The following TMEM135 variants were observed in gnomAD, a reference collection of about 807,000 sequenced individuals.
TMEM135 encodes the protein peroxisomal membrane protein 52.
TMEM135 carries 30 observed loss-of-function variants against 60.3 expected under a neutral mutation model. That is an observed-to-expected ratio of 0.50 (90% CI 0.37 to 0.68). The LOEUF (loss-of-function observed/expected upper bound fraction) is 0.68, where lower values mean the gene tolerates loss of function less well. Ranked by LOEUF, TMEM135 falls within the 30% of genes least tolerant of loss-of-function variation. The pLI is 0.00. For synonymous variants in TMEM135, 190 were observed against 186.7 expected (o/e 1.02, Z -0.14); for missense variants, 468 against 548.8 (o/e 0.85, Z 1.47).
chr11:87,247,887 T>A (rs866692190), intron 6 of TMEM135, among the ~76,000 whole-genome samples: 1 of 152,004 alleles, frequency 6.6e-6, no homozygotes, highest in South Asian at 2.1e-4. Flanking sequence ...TCTCTGGCAC[T>A]CCCTAGTGAG....
Position 87,309,678 on chromosome 11 carries a change from G to A in TMEM135, c.936+6G>A, listed in dbSNP as rs759330258. On this transcript the variant is annotated splice_donor_region_variant and intron_variant, in intron 10 of 14. Transcript: ENST00000305494. The stretch of plus-strand genomic sequence containing the variant: ...CTTTTGTTAGTATATACAAGGTAAG[G>A]CTTTTAGAAGAGGAAAGAAAAATGG... 6.2e-7 allele frequency: 1 copy of A among 1,612,676 alleles called. No homozygotes were observed. The highest frequency in any genetic ancestry group is 1.7e-5 in the Admixed American group (1 of 59,952).
At chr11:87,204,922 T>C (rs541420796) in intron 5 of TMEM135, among the ~76,000 whole-genome samples, 42 of 152,342 alleles carry the variant, frequency 2.8e-4, no homozygotes, top group African/African-American at 9.9e-4. Flanking sequence ...CTATCAAAAA[T>C]TCCCTTTATA....
intron 5 of TMEM135, among the ~76,000 whole-genome samples, chr11:87,200,168 T>G (rs1304503253): frequency 6.6e-6 from 1 of 152,154 alleles, no homozygotes; most frequent in Admixed American, 6.5e-5. Context: ...AATTTAAAAT[T>G]ATGGGATGAT....
At chr11:87,187,939 C>G (rs979220933) in intron 5 of TMEM135, among the ~76,000 whole-genome samples, 1 of 152,160 alleles carries the variant, frequency 6.6e-6, no homozygotes, top group Non-Finnish European at 1.5e-5. Context: ...CTATATTATA[C>G]TTAGAGACCC....
At chr11:87,186,451 G>C (rs191490572) in intron 5 of TMEM135, among the ~76,000 whole-genome samples, 1 of 152,260 alleles carries the variant, frequency 6.6e-6, no homozygotes, top group East Asian at 1.9e-4. Context: ...CATACCCCAT[G>C]AATTAAAGTT....
intron 5 of TMEM135, among the ~76,000 whole-genome samples, chr11:87,199,152 G>T (rs556389898): frequency 5.3e-5 from 8 of 152,266 alleles, no homozygotes; most frequent in African/African-American, 1.9e-4. Flanking sequence ...ATGAGGTCAG[G>T]AGTTCCAGAC....
In TMEM135 at chr11:87,269,280, GTTT is replaced by G. The variant is rs374547199; in HGVS notation, c.510-26487_510-26485del. On this transcript the variant is annotated intron_variant, in intron 6 of 14. Transcript: ENST00000305494. ...TTTCAGAGAGGAAGTTTGCTTTAGG[GTTT>G]TTTTTTTTTTTTTTATGAGGAAGCT... Among the ~76,000 whole-genome samples the G allele has an allele frequency of 1.6e-3, 190 of 115,306 alleles. 2 individuals are homozygous for G. Among genetic ancestry groups the G allele is most frequent in the African/African-American group, 5.6e-3 (181 of 32,538 alleles). The allele number at this position is 115,306 out of a possible 152,430, so 75.6% of individuals were successfully genotyped here. A position where few individuals can be genotyped will look rare whatever the true frequency, so the allele number is the denominator to read the frequency against.
At chr11:87,197,018 A>C (rs1297085422) in intron 5 of TMEM135, among the ~76,000 whole-genome samples, 1 of 152,138 alleles carries the variant, frequency 6.6e-6, no homozygotes, top group African/African-American at 2.4e-5. Context: ...TAATGAAAAA[A>C]AATTAGCAAA....
At chr11:87,062,587 C>G (rs1370451898) in intron 1 of TMEM135, among the ~76,000 whole-genome samples, 1 of 151,754 alleles carries the variant, frequency 6.6e-6, no homozygotes, top group African/African-American at 2.4e-5. Flanking sequence ...GCCTCAGCCT[C>G]CTGAGTAGCT....
intron 6 of TMEM135, among the ~76,000 whole-genome samples, chr11:87,283,648 A>T (rs1307198741): frequency 6.6e-6 from 1 of 152,144 alleles, no homozygotes; most frequent in Non-Finnish European, 1.5e-5. Context: ...TCATGCAGCC[A>T]GGAGTTCAAG....
In TMEM135 at chr11:87,039,962, G is replaced by A. The variant is rs545340535; in HGVS notation, c.141+1776G>A. Among the ~76,000 whole-genome samples, 6 of 152,254 alleles carry A rather than the reference G, an allele frequency of 3.9e-5. No homozygotes were observed. The South Asian group carries it at 1.2e-3, about 32-fold the overall frequency. On this transcript the variant is annotated intron_variant, in intron 1 of 14. Transcript: ENST00000305494. ...CTCCTACTCCAACAAGGTAGGTTGG[G>A]GGTGTTCAGGAAAAGAGTTGTGTTT... is the stretch of plus-strand genomic sequence containing the variant.
chr11:87,223,678 C>T (rs1940699246), intron 5 of TMEM135, among the ~76,000 whole-genome samples: 1 of 151,418 alleles, frequency 6.6e-6, no homozygotes, highest in Non-Finnish European at 1.5e-5. Context: ...CACACACACA[C>T]ACACACACAC....
intron 4 of TMEM135, among the ~76,000 whole-genome samples, chr11:87,105,895 T>A (rs1857582776): frequency 6.6e-6 from 1 of 152,186 alleles, no homozygotes; most frequent in African/African-American, 2.4e-5. Flanking sequence ...TCTCACTTTA[T>A]GTTTGTACTC....
At chr11:87,144,331 C>T (rs1249680332) in intron 4 of TMEM135, among the ~76,000 whole-genome samples, 1 of 151,970 alleles carries the variant, frequency 6.6e-6, no homozygotes, top group East Asian at 1.9e-4. Context: ...TCTAAAGGGC[C>T]AGTAAGTGTT....
chr11:87,143,162 G>A (rs1345918064), intron 4 of TMEM135, among the ~76,000 whole-genome samples: 1 of 151,888 alleles, frequency 6.6e-6, no homozygotes, highest in East Asian at 1.9e-4. Flanking sequence ...TTTCCATTTA[G>A]TTCTTTGTTA....
intron 5 of TMEM135, among the ~76,000 whole-genome samples, chr11:87,223,112 A>G (rs1940679664): frequency 6.6e-6 from 1 of 151,904 alleles, no homozygotes; most frequent in South Asian, 2.1e-4. Context: ...TAATTTGGAA[A>G]GACATAATCG....
intron 4 of TMEM135, among the ~76,000 whole-genome samples, chr11:87,153,152 G>A (rs952363701): frequency 1.3e-5 from 2 of 152,074 alleles, no homozygotes; most frequent in African/African-American, 4.8e-5. Context: ...ATTATTAAAG[G>A]TTAGAAATGC....
intron 4 of TMEM135, among the ~76,000 whole-genome samples, chr11:87,098,585 C>G (rs1173509746): frequency 4.0e-5 from 6 of 150,208 alleles, no homozygotes; most frequent in African/African-American, 1.5e-4. Context: ...AAATGATAAA[C>G]TTAAATTATT....
chr11:87,145,364 A>G (rs1431519226), intron 4 of TMEM135, among the ~76,000 whole-genome samples: 1 of 152,200 alleles, frequency 6.6e-6, no homozygotes, highest in African/African-American at 2.4e-5. Flanking sequence ...TAACTTAGCT[A>G]TTGTAAATAG....
Sources: gnomAD v4.1 joint callset for allele counts (sites outside exome capture counted in the v4.1 genomes callset) on GRCh38, gnomAD v4.1.1 for gene constraint, MANE v1.5 for transcripts, NCBI Gene and HGNC (gene_info 2026-07-23, HGNC 2026-07-21) for gene names.